Variants in SINHCAF observed in about 807,000 individuals in gnomAD.
The protein encoded by SINHCAF is SIN3-HDAC complex associated factor.
In SINHCAF, 3 loss-of-function variants were observed where a neutral mutation model predicts 25.8. That is an observed-to-expected ratio of 0.12 (90% CI 0.05 to 0.30). SINHCAF has a LOEUF of 0.30. SINHCAF is among the 10% of genes least tolerant of loss of function. SINHCAF has a pLI of 1.00. For synonymous variants in SINHCAF, 70 were observed against 85.5 expected (o/e 0.82, Z 1.00); for missense variants, 121 against 262.3 (o/e 0.46, Z 3.72).
At chr12:31,309,664 AT>A (rs869251301) in intron 1 of SINHCAF, among the ~76,000 whole-genome samples, 1,511 of 128,718 alleles carry the variant, frequency 0.012, 13 homozygotes, top group African/African-American at 0.036. Context: ...TCAACTTGTG[AT>A]TTTTTTTTTT....
intron 1 of SINHCAF, among the ~76,000 whole-genome samples, chr12:31,308,499 T>G (rs543187977): frequency 1.1e-4 from 16 of 152,204 alleles, no homozygotes; most frequent in Admixed American, 3.9e-4. Context: ...ATGTGCCACA[T>G]GTTTGACTTG....
intron 2 of SINHCAF, chr12:31,297,119 ATT>A: frequency 2.8e-6 from 1 of 362,358 alleles, no homozygotes; most frequent in Non-Finnish European, 5.6e-6. Context: ...TTATCAAAAC[ATT>A]TGTTGATCAT....
intron 1 of SINHCAF, among the ~76,000 whole-genome samples, chr12:31,300,912 A>C (rs1000964444): frequency 6.6e-5 from 10 of 152,172 alleles, no homozygotes; most frequent in African/African-American, 1.7e-4. Flanking sequence ...AGGACAAAAG[A>C]AGCAGAGCAA....
chr12:31,285,457 A>AC (rs1555110992), intron 5 of SINHCAF, among the ~76,000 whole-genome samples: 20 of 151,708 alleles, frequency 1.3e-4, no homozygotes, highest in Non-Finnish European at 1.8e-4. Flanking sequence ...ACACACACAT[A>AC]AATAAATGTT....
chr12:31,323,900 A>G (rs897147609), intron 1 of SINHCAF: 5 of 453,892 alleles, frequency 1.1e-5, no homozygotes, highest in Non-Finnish European at 2.2e-5. Context: ...CTCTGAAAGC[A>G]GTAAAATGCC....
chr12:31,299,320 A>ATTAT (rs1555113700), intron 1 of SINHCAF, among the ~76,000 whole-genome samples: 1,921 of 133,890 alleles, frequency 0.014, 31 homozygotes, highest in African/African-American at 0.056. Flanking sequence ...AAAGAAAAAA[A>ATTAT]TTTTTTTTTT....
Position 31,325,549 on chromosome 12 carries a change from A to AATGAT in SINHCAF, c.-21+474_-21+475insATCAT. The AATGAT allele has an allele frequency of 4.8e-6, 1 of 206,368 alleles. No individual in the cohort carries two copies. Among genetic ancestry groups the AATGAT allele is most frequent in the Non-Finnish European group, 1.0e-5 (1 of 97,882 alleles). The allele number at this position is 206,368 out of a possible 1,614,324, so 12.8% of individuals were successfully genotyped here. ...AGTCAACTAAACCACGAGGTTTCAC[A>AATGAT]ACGGCGCCCGACCCTGCCCGCGCCT... On this transcript the variant is annotated intron_variant, in intron 1 of 5. Coordinates refer to ENST00000337682, the MANE Select transcript of SINHCAF (RefSeq NM_001135812.2). This position sits in a 1 kb window ranked among gnomAD's most constrained non-coding sequence, Gnocchi z 5.9.
chr12:31,309,147 AAAAG>A (rs1394005595), intron 1 of SINHCAF, among the ~76,000 whole-genome samples: 3 of 151,164 alleles, frequency 2.0e-5, no homozygotes, highest in African/African-American at 4.9e-5. Flanking sequence ...AAAAAAAAAA[AAAAG>A]AACACTATCA....
chr12:31,320,794 G>A (rs2137139528), intron 1 of SINHCAF, among the ~76,000 whole-genome samples: 1 of 152,102 alleles, frequency 6.6e-6, no homozygotes, highest in African/African-American at 2.4e-5. Flanking sequence ...AAAAGCTATA[G>A]GAAAAAATGT....
intron 1 of SINHCAF, chr12:31,298,534 CACAA>C (rs1938643596): frequency 3.1e-6 from 1 of 322,248 alleles, no homozygotes; most frequent in East Asian, 7.4e-5. Context: ...TAAGAAATGC[CACAA>C]ACAATCCTGT....
rs1399647590 is a variant in SINHCAF at position 31,324,210 on chromosome 12, C to G, written c.-21+1814G>C. ...GGCGCCTCCCGCAGGCCGCGCCTCC[C>G]GCACGCCGCGCTGCCGGGGCTTGTT... On this transcript the variant is annotated intron_variant, in intron 1 of 5. Transcript: ENST00000337682. This position sits in a 1 kb window ranked among gnomAD's most constrained non-coding sequence, Gnocchi z 5.5. The G allele has an allele frequency of 2.0e-5, 4 of 204,648 alleles. No homozygotes were observed. Among genetic ancestry groups the G allele is most frequent in the Non-Finnish European group, 3.8e-5 (4 of 105,564 alleles). The allele number at this position is 204,648 out of a possible 1,614,324, so 12.7% of individuals were successfully genotyped here.
intron 1 of SINHCAF, among the ~76,000 whole-genome samples, chr12:31,310,661 T>C (rs1157919139): frequency 2.0e-5 from 3 of 152,194 alleles, no homozygotes; most frequent in Non-Finnish European, 2.9e-5. Context: ...GGCCATCACC[T>C]AGTCAGTCAT....
rs537556636 is a variant in SINHCAF at position 31,294,339 on chromosome 12, A to C, written c.229-408T>G. Among the ~76,000 whole-genome samples, 358 of 152,314 alleles carry C rather than the reference A, an allele frequency of 2.4e-3. 1 individual carries two copies. Among genetic ancestry groups the C allele is most frequent in the African/African-American group, 8.2e-3 (341 of 41,570 alleles). On this transcript the variant is annotated intron_variant, in intron 3 of 5. Coordinates refer to ENST00000337682, the MANE Select transcript of SINHCAF (RefSeq NM_001135812.2). ...AAAATAGAGCTACTTTTGTTACTCC[A>C]ATTTTAGACAGAAGGAAAACAAGGC...
chr12:31,323,398 T>G (rs1193753586), intron 1 of SINHCAF, among the ~76,000 whole-genome samples: 1 of 152,092 alleles, frequency 6.6e-6, no homozygotes. Context: ...AATAACAAGG[T>G]CAAATTCATT....
chr12:31,315,519 A>G (rs1361451752), intron 1 of SINHCAF, among the ~76,000 whole-genome samples: 1 of 152,228 alleles, frequency 6.6e-6, no homozygotes, highest in Non-Finnish European at 1.5e-5. Flanking sequence ...ATCTGTCTAC[A>G]GTATGCTGTC....
At position 31,293,851 on chromosome 12, in the gene SINHCAF, T is replaced by C. The variant is rs61753918; in HGVS notation, c.309A>G (p.Ile103Met). Residue 103 changes from isoleucine to methionine, a missense_variant, in exon 4 of 6, where the codon ATA (isoleucine) becomes ATG (methionine). Ile to Met is a conservative substitution (Grantham distance 10). Coordinates refer to ENST00000337682, the MANE Select transcript of SINHCAF (RefSeq NM_001135812.2). ...KKVKTLSGNRIKSNQISKLQK... is the reference protein window; with the variant it reads ...KKVKTLSGNRMKSNQISKLQK... The stretch of plus-strand genomic sequence containing the variant: ...GCAGTTTACTGATCTGGTTGCTTTT[T>C]ATCCTGTTCCCAGATAGAGTTTTCA... 8.1e-4 allele frequency: 1,313 copies of C among 1,613,466 alleles called. 12 individuals are homozygous for C. The African/African-American group carries it at 0.016, about 19-fold the overall frequency.
At chr12:31,323,797 C>G in intron 1 of SINHCAF, 1 of 384,304 alleles carries the variant, frequency 2.6e-6, no homozygotes. Flanking sequence ...AACTTCCCCA[C>G]GGTGGTTTAT....
intron 1 of SINHCAF, among the ~76,000 whole-genome samples, chr12:31,319,503 G>A (rs1229875667): frequency 2.0e-5 from 3 of 152,200 alleles, no homozygotes; most frequent in Non-Finnish European, 4.4e-5. Flanking sequence ...CTCCAGTTTA[G>A]GCAACAAGAG....
Position 31,324,584 on chromosome 12 carries a change from C to T in SINHCAF, c.-21+1440G>A, listed in dbSNP as rs1291949860. The T allele has an allele frequency of 3.1e-5, 6 of 193,308 alleles. No homozygotes were observed. The South Asian group carries it at 4.6e-4, about 15-fold the overall frequency. 12.0% of individuals were successfully genotyped at this position (193,308 alleles called of 1,614,324 possible). ...AACTCGCCCGAACTTCGAGGGCCTC[C>T]GACCTGCACGGCCCTACGCCCAGGC... On this transcript the variant is annotated intron_variant, in intron 1 of 5. Coordinates refer to ENST00000337682, the MANE Select transcript of SINHCAF (RefSeq NM_001135812.2). The surrounding 1 kb of genome is among the most constrained non-coding windows in gnomAD (Gnocchi z 5.5).
Sources: allele counts gnomAD v4.1 joint callset (sites outside exome capture counted in the v4.1 genomes callset), GRCh38; gene constraint gnomAD v4.1.1; non-coding constraint Gnocchi (gnomAD v3.1); transcripts MANE v1.5; gene names NCBI Gene and HGNC (gene_info 2026-07-23, HGNC 2026-07-21).